The following PRKAR1B variants were observed in gnomAD, a reference collection of about 807,000 sequenced individuals.
The protein encoded by PRKAR1B is protein kinase cAMP-dependent type I regulatory subunit beta.
Under a neutral mutation model 46.5 loss-of-function variants are expected in PRKAR1B, and 22 were observed. The observed-to-expected ratio is 0.47, with a 90% CI of 0.34 to 0.68. PRKAR1B has a LOEUF of 0.68. PRKAR1B is among the 30% of genes least tolerant of loss of function. The pLI is 0.01. For missense variants in PRKAR1B, 445 were observed against 535.6 expected, an observed-to-expected ratio of 0.83 and a Z score of 1.67; for synonymous variants, 259 against 217.7, an observed-to-expected ratio of 1.19 and a Z score of -1.67.
chr7:603,720 G>A (rs534277219), intron 6 of PRKAR1B, among the ~76,000 whole-genome samples: 1 of 134,314 alleles, frequency 7.4e-6, no homozygotes, highest in Non-Finnish European at 1.6e-5. Context: ...GGGAGGAGGT[G>A]ACACCAGGAT....
chr7:631,461 C>T (rs1035740262), intron 4 of PRKAR1B, among the ~76,000 whole-genome samples: 1 of 152,208 alleles, frequency 6.6e-6, no homozygotes, highest in Non-Finnish European at 1.5e-5. Context: ...AGAAGCCGGT[C>T]ACCTTGGCCA....
At chr7:689,635 A>G (rs2128514658) in intron 2 of PRKAR1B, among the ~76,000 whole-genome samples, 1 of 152,106 alleles carries the variant, frequency 6.6e-6, no homozygotes, top group Admixed American at 6.5e-5. Context: ...TGGGGAGGAT[A>G]AGGAGGGGAG....
chr7:652,176 G>A (rs1236981690), intron 4 of PRKAR1B, among the ~76,000 whole-genome samples: 19 of 138,546 alleles, frequency 1.4e-4, no homozygotes, highest in African/African-American at 3.7e-4. Flanking sequence ...AACCCCTCTC[G>A]GAACACAGTT....
intron 9 of PRKAR1B, among the ~76,000 whole-genome samples, chr7:574,556 T>C (rs975948254): frequency 5.3e-5 from 8 of 152,210 alleles, no homozygotes; most frequent in African/African-American, 1.7e-4. Flanking sequence ...GTGATTCTTA[T>C]GCCTCAGCCT....
At chr7:725,042 G>A (rs564251198) in intron 1 of PRKAR1B, among the ~76,000 whole-genome samples, 5 of 152,012 alleles carry the variant, frequency 3.3e-5, no homozygotes, top group Admixed American at 1.3e-4. Context: ...GTGAAACCCC[G>A]TCTCTACTAA....
chr7:677,180 G>A (rs769005346), intron 4 of PRKAR1B, 49 bp downstream of exon 4: 1 of 1,573,490 alleles, frequency 6.4e-7, no homozygotes, highest in Non-Finnish European at 8.7e-7. Context: ...ACCTCCCGGA[G>A]GCCGAGGAGG....
intron 4 of PRKAR1B, among the ~76,000 whole-genome samples, chr7:630,627 CG>C (rs1048383673): frequency 6.6e-6 from 1 of 152,326 alleles, no homozygotes; most frequent in East Asian, 1.9e-4. Context: ...AGGCTGGCCC[CG>C]GGGGGATCAA....
At chr7:695,914 T>C (rs1452680273) in intron 2 of PRKAR1B, among the ~76,000 whole-genome samples, 1 of 151,724 alleles carries the variant, frequency 6.6e-6, no homozygotes, top group African/African-American at 2.4e-5. Flanking sequence ...TTCACCCCTC[T>C]TGGCCTCCCA....
rs770164934 is a variant in PRKAR1B, at chr7:711,344, G to C, written c.162C>G (p.Phe54Leu). 39 of 1,614,050 alleles carry C rather than the reference G, an allele frequency of 2.4e-5. No homozygotes were observed. The African/African-American group carries it at 3.2e-4, about 13-fold the overall frequency. The change falls in exon 2 of 11, where the codon TTC (phenylalanine) becomes TTG (leucine). Residue 54 changes from phenylalanine (F) to leucine (L), a missense_variant. This residue lies in a region of PRKAR1B where 155 missense variants were observed against 127.5 expected (regional missense o/e 1.22). Coordinates refer to ENST00000537384, the MANE Select transcript of PRKAR1B (RefSeq NM_001164760.2). ...GGCCACTCACCTTCTCCAGCTTCTC[G>C]AAGTGCTCCCGGAGGAACTTCATGG... ...ERPMKFLREHFEKLEKEENRQ... is the reference protein window; with the variant it reads ...ERPMKFLREHLEKLEKEENRQ...
intron 4 of PRKAR1B, among the ~76,000 whole-genome samples, chr7:665,860 T>C (rs1785886532): frequency 6.6e-6 from 1 of 152,170 alleles, no homozygotes; most frequent in Admixed American, 6.6e-5. Context: ...AAAAACAGAC[T>C]GCAGAGATAC....
At chr7:553,934 C>CGG (rs1554281259) in intron 9 of PRKAR1B, among the ~76,000 whole-genome samples, 2 of 152,250 alleles carry the variant, frequency 1.3e-5, no homozygotes, top group Non-Finnish European at 2.9e-5. Flanking sequence ...ACAGACCGGG[C>CGG]GGCTGAGTGC....
intron 4 of PRKAR1B, among the ~76,000 whole-genome samples, chr7:672,400 C>T (rs1164616767): frequency 2.6e-5 from 4 of 151,942 alleles, no homozygotes; most frequent in African/African-American, 9.7e-5. Context: ...GATCTGCCCA[C>T]CTCAGCCTCC....
chr7:557,481 G>T (rs1035942934), intron 9 of PRKAR1B, among the ~76,000 whole-genome samples: 6 of 152,330 alleles, frequency 3.9e-5, no homozygotes, highest in African/African-American at 1.4e-4. Context: ...GACAGTCCCC[G>T]TCCTGTGCCT....
chr7:657,170 T>C (rs191085398), intron 4 of PRKAR1B, among the ~76,000 whole-genome samples: 4 of 152,038 alleles, frequency 2.6e-5, no homozygotes, highest in Admixed American at 6.5e-5. Flanking sequence ...AATGAATGGA[T>C]GCATGAGTGA....
intron 4 of PRKAR1B, among the ~76,000 whole-genome samples, chr7:650,416 A>G (rs1046624915): frequency 2.9e-5 from 4 of 139,638 alleles, no homozygotes; most frequent in Non-Finnish European, 6.2e-5. Flanking sequence ...AGTTCCAACC[A>G]CGAAAGGCTC....
chr7:706,874 C>T (rs1272205239), intron 2 of PRKAR1B, among the ~76,000 whole-genome samples: 1 of 152,190 alleles, frequency 6.6e-6, no homozygotes, highest in East Asian at 1.9e-4. Context: ...TTATGAAAGC[C>T]TCACAAACAT....
At chr7:646,936 C>T (rs910928779) in intron 4 of PRKAR1B, among the ~76,000 whole-genome samples, 2 of 152,218 alleles carry the variant, frequency 1.3e-5, no homozygotes, top group Non-Finnish European at 2.9e-5. Context: ...GGCAGCGGTA[C>T]ACCTGGCAGG....
intron 6 of PRKAR1B, among the ~76,000 whole-genome samples, chr7:600,276 G>T (rs1007417771): frequency 6.6e-6 from 1 of 152,190 alleles, no homozygotes; most frequent in African/African-American, 2.4e-5. Context: ...AAGCCCAGGC[G>T]GGAGGATTGC....
chr7:616,957 T>C (rs1782857466), intron 4 of PRKAR1B, among the ~76,000 whole-genome samples: 1 of 151,958 alleles, frequency 6.6e-6, no homozygotes, highest in Non-Finnish European at 1.5e-5. Flanking sequence ...GGTTTTCTTG[T>C]TTATTTTAAA....
Sources: gnomAD v4.1 joint callset for allele counts (sites outside exome capture counted in the v4.1 genomes callset) on GRCh38, gnomAD v4.1.1 for gene constraint, gnomAD v4.1.1 regional missense constraint, MANE v1.5 for transcripts, NCBI Gene and HGNC (gene_info 2026-07-23, HGNC 2026-07-21) for gene names.